CPM: variants seen among roughly 807,000 people sequenced by gnomAD.
CPM encodes the protein renal carboxypeptidase.
In CPM, 35 loss-of-function variants were observed where a neutral mutation model predicts 46.4. The ratio of observed to expected loss-of-function variants is 0.75; its 90% CI spans 0.58 to 1.00. The LOEUF (loss-of-function observed/expected upper bound fraction) is 1.00, where lower values mean the gene tolerates loss of function less well. CPM is among the 50% of genes least tolerant of loss of function. The pLI is 0.00. For missense variants in CPM, 422 were observed against 530.4 expected, an observed-to-expected ratio of 0.80 and a Z score of 2.01; for synonymous variants, 195 against 195.3, an observed-to-expected ratio of 1.00 and a Z score of 0.01.
chr12:68,928,710 T>C (rs1486833172), intron 2 of CPM, among the ~76,000 whole-genome samples: 1 of 151,986 alleles, frequency 6.6e-6, no homozygotes, highest in Non-Finnish European at 1.5e-5. Context: ...GATACAATGA[T>C]GATCAGACTT....
At chr12:68,842,961 CTA>C (rs1883919707) in intron 5 of CPM, 1 of 210,572 alleles carries the variant, frequency 4.7e-6, no homozygotes, top group African/African-American at 2.3e-5. Context: ...ATAACTGACA[CTA>C]TATAATTTCT....
At chr12:68,888,405 C>T (rs1886522629) in intron 2 of CPM, among the ~76,000 whole-genome samples, 1 of 152,090 alleles carries the variant, frequency 6.6e-6, no homozygotes, top group South Asian at 2.1e-4. Context: ...AGAATCTTAC[C>T]TTGAACAACC....
intron 1 of CPM, among the ~76,000 whole-genome samples, chr12:68,960,116 T>G (rs900645673): frequency 1.3e-5 from 2 of 152,238 alleles, no homozygotes; most frequent in African/African-American, 4.8e-5. Flanking sequence ...GTGTTGCTGA[T>G]AGGTGTTGGC....
At chr12:68,878,517 C>T (rs896210747) in intron 3 of CPM, among the ~76,000 whole-genome samples, 1 of 152,214 alleles carries the variant, frequency 6.6e-6, no homozygotes. Flanking sequence ...CACCCAGGAA[C>T]TGACTCAGCA....
intron 2 of CPM, among the ~76,000 whole-genome samples, chr12:68,887,035 C>T (rs1886466311): frequency 6.6e-6 from 1 of 152,180 alleles, no homozygotes; most frequent in Admixed American, 6.5e-5. Flanking sequence ...CGATCAGAGG[C>T]TGTGATTTGA....
chr12:68,939,225 CATATAGACAT>C (rs1888722968), intron 1 of CPM, among the ~76,000 whole-genome samples: 1 of 145,298 alleles, frequency 6.9e-6, no homozygotes, highest in Non-Finnish European at 1.5e-5. Context: ...GATGTCTATA[CATATAGACAT>C]CATATATGTA....
intron 2 of CPM, among the ~76,000 whole-genome samples, chr12:68,919,585 T>C (rs998129129): frequency 7.9e-5 from 12 of 152,252 alleles, no homozygotes; most frequent in South Asian, 6.2e-4. Flanking sequence ...CTGTATGCCA[T>C]AGAGTTTGGA....
chr12:68,894,533 C>T (rs1886789224), intron 2 of CPM, among the ~76,000 whole-genome samples: 1 of 152,152 alleles, frequency 6.6e-6, no homozygotes, highest in South Asian at 2.1e-4. Flanking sequence ...CTAGGCACAG[C>T]CCCACCTTAT....
intron 2 of CPM, among the ~76,000 whole-genome samples, chr12:68,891,996 C>T (rs180676397): frequency 2.6e-5 from 4 of 152,276 alleles, no homozygotes; most frequent in Non-Finnish European, 5.9e-5. Context: ...CTTGGCCTCC[C>T]AAAGTGCTGG....
At chr12:68,922,283 G>C (rs1263392103) in intron 2 of CPM, among the ~76,000 whole-genome samples, 1 of 152,194 alleles carries the variant, frequency 6.6e-6, no homozygotes, top group Non-Finnish European at 1.5e-5. Flanking sequence ...ATGTGCGTGT[G>C]TATTATGTGG....
At chr12:68,906,829 C>T (rs1297906647) in intron 2 of CPM, among the ~76,000 whole-genome samples, 4 of 152,202 alleles carry the variant, frequency 2.6e-5, no homozygotes, top group Non-Finnish European at 1.5e-5. Context: ...CACCCTTGTG[C>T]CTATTTCCAG....
intron 2 of CPM, among the ~76,000 whole-genome samples, chr12:68,913,244 C>G (rs1216379462): frequency 1.3e-5 from 2 of 152,136 alleles, no homozygotes; most frequent in Non-Finnish European, 2.9e-5. Flanking sequence ...TGTCCCCTAC[C>G]CTCTCATTCA....
In CPM at chr12:68,852,074, G is replaced by C. The variant is rs369087301; in HGVS notation, c.*4363C>G. The C allele has an allele frequency of 6.6e-6, 1 of 152,148 alleles. No individual in the cohort carries two copies. Among genetic ancestry groups the C allele is most frequent in the African/African-American group, 2.4e-5 (1 of 41,444 alleles). The allele number at this position is 152,148 out of a possible 1,614,324, so 9.4% of individuals were successfully genotyped here. A position where few individuals can be genotyped will look rare whatever the true frequency, so the allele number is the denominator to read the frequency against. ...TTTACTTTCTAAACAGAGCTAACTT[G>C]TACCATTTTTAGAAACAGATCACAA... On this transcript the variant is annotated 3_prime_UTR_variant, in exon 9 of 9. Transcript: ENST00000551568.
intron 3 of CPM, among the ~76,000 whole-genome samples, chr12:68,880,368 A>C (rs990524521): frequency 2.0e-5 from 3 of 152,174 alleles, no homozygotes; most frequent in Non-Finnish European, 4.4e-5. Flanking sequence ...GCTCCCCAGC[A>C]GTCAAGGAGA....
At chr12:68,908,813 G>T (rs1161346338) in intron 2 of CPM, among the ~76,000 whole-genome samples, 1 of 152,148 alleles carries the variant, frequency 6.6e-6, no homozygotes, top group Non-Finnish European at 1.5e-5. Flanking sequence ...TAAGGCCAAA[G>T]ATACTGAAAA....
chr12:68,866,731 C>T (rs1885466994), intron 7 of CPM, 165 bp downstream of exon 7: 4 of 604,134 alleles, frequency 6.6e-6, no homozygotes, highest in Non-Finnish European at 1.2e-5. Context: ...ATTTCTCACA[C>T]ACTGCAGATA....
At chr12:68,849,764 C>T (rs999565765), downstream of CPM, 1 of 152,116 alleles carries the variant, frequency 6.6e-6, no homozygotes, top group African/African-American at 2.4e-5. Flanking sequence ...AGACATGAGC[C>T]ACCATGCCTG....
At chr12:68,901,870 G>A (rs1043713151) in intron 2 of CPM, among the ~76,000 whole-genome samples, 10 of 152,092 alleles carry the variant, frequency 6.6e-5, no homozygotes, top group African/African-American at 2.2e-4. Flanking sequence ...GAGAAGAAGG[G>A]GAGAGAGGAG....
chr12:68,883,743 G>A (rs1886300601), intron 3 of CPM, among the ~76,000 whole-genome samples: 1 of 151,988 alleles, frequency 6.6e-6, no homozygotes, highest in Non-Finnish European at 1.5e-5. Flanking sequence ...TGGAACCTCT[G>A]AAATGCCAGC....
Sources: gnomAD v4.1 joint callset for allele counts (sites outside exome capture counted in the v4.1 genomes callset) on GRCh38, gnomAD v4.1.1 for gene constraint, MANE v1.5 for transcripts, NCBI Gene and HGNC (gene_info 2026-07-23, HGNC 2026-07-21) for gene names.